MAP6: variants seen among roughly 807,000 people sequenced by gnomAD.
MAP6 encodes microtubule associated protein 6.
A neutral mutation model predicts 42.4 loss-of-function variants in MAP6; 26 were observed. The ratio of observed to expected loss-of-function variants is 0.61; its 90% CI spans 0.45 to 0.85. The LOEUF (loss-of-function observed/expected upper bound fraction) is 0.85, where lower values mean the gene tolerates loss of function less well. MAP6 is among the 40% of genes least tolerant of loss of function. The pLI, the probability that MAP6 is intolerant of heterozygous loss-of-function variation, is 0.00. For synonymous variants in MAP6, 418 were observed against 443.8 expected, an observed-to-expected ratio of 0.94 and a Z score of 0.73; for missense variants, 966 against 1,099.0, an observed-to-expected ratio of 0.88 and a Z score of 1.71.
intron 1 of MAP6, among the ~76,000 whole-genome samples, chr11:75,633,931 T>C (rs1943326372): frequency 6.6e-6 from 1 of 152,208 alleles, no homozygotes. Flanking sequence ...AGACCTGATG[T>C]AGCTCCGAGT....
Position 75,667,330 on chromosome 11 carries a change from G to T in MAP6, c.905+135C>A. 2.6e-6 allele frequency: 2 copies of T among 782,736 alleles called. No individual in the cohort carries two copies. The highest frequency in any genetic ancestry group is 2.3e-5 in the South Asian group (1 of 42,872). 48.5% of individuals were successfully genotyped at this position (782,736 alleles called of 1,614,324 possible). A position where few individuals can be genotyped will look rare whatever the true frequency, so the allele number is the denominator to read the frequency against. The stretch of plus-strand genomic sequence containing the variant: ...TTCGACAGGAGGTGGCCTGGGAGGC[G>T]GCTGGGGAGAGGGTGTGGCCTGGGA... On this transcript the variant is annotated intron_variant, in intron 1 of 3. Transcript: ENST00000304771. This position sits in a 1 kb window ranked among gnomAD's most constrained non-coding sequence, Gnocchi z 5.6.
At chr11:75,592,683 C>A (rs1390389493) in intron 3 of MAP6, among the ~76,000 whole-genome samples, 8 of 152,212 alleles carry the variant, frequency 5.3e-5, no homozygotes, top group Admixed American at 5.2e-4. Context: ...ATTCTTCATA[C>A]AGAAATCAGA....
chr11:75,668,054 G>T lies in MAP6; in HGVS notation c.316C>A (p.Pro106Thr). 2 of 1,228,886 alleles carry T rather than the reference G, an allele frequency of 1.6e-6. No homozygotes were observed. The highest frequency in any genetic ancestry group is 2.0e-6 in the Non-Finnish European group (2 of 988,020). 76.1% of individuals were successfully genotyped at this position (1,228,886 alleles called of 1,614,324 possible). A position where few individuals can be genotyped will look rare whatever the true frequency, so the allele number is the denominator to read the frequency against. The change falls in exon 1 of 4, where the codon CCG becomes ACG. Residue 106 changes from proline (P) to threonine (T), a missense_variant. Coordinates refer to ENST00000304771, the MANE Select transcript of MAP6 (RefSeq NM_033063.2). ...AAGPGRSGPG[P>T]GLGSGSTSGP... ...GAGGTGGAGCCGGAGCCCAGGCCCG[G>T]GCCCGGCCCGCTCCGGCCGGGGCCC...
At chr11:75,646,642 A>G (rs1943558432) in intron 1 of MAP6, among the ~76,000 whole-genome samples, 1 of 152,004 alleles carries the variant, frequency 6.6e-6, no homozygotes, top group Non-Finnish European at 1.5e-5. Flanking sequence ...CTCTACTAAA[A>G]ACACAAAATT....
chr11:75,602,384 C>G (rs1292336506), intron 3 of MAP6, among the ~76,000 whole-genome samples: 1 of 152,132 alleles, frequency 6.6e-6, no homozygotes, highest in Non-Finnish European at 1.5e-5. Flanking sequence ...GGCACACACA[C>G]GACTGTCACC....
At chr11:75,624,964 C>T (rs1176933358) in intron 1 of MAP6, among the ~76,000 whole-genome samples, 1 of 152,154 alleles carries the variant, frequency 6.6e-6, no homozygotes, top group East Asian at 1.9e-4. Context: ...GTGAACTGGC[C>T]TCTAACAATG....
chr11:75,668,082 C>A lies in MAP6; in HGVS notation c.288G>T (p.Ala96=), dbSNP rs1943994968. The A allele has an allele frequency of 5.8e-6, 7 of 1,216,370 alleles. No homozygotes were observed. The South Asian group carries it at 2.0e-4, about 34-fold the overall frequency. The allele number at this position is 1,216,370 out of a possible 1,614,324, so 75.3% of individuals were successfully genotyped here. A position where few individuals can be genotyped will look rare whatever the true frequency, so the allele number is the denominator to read the frequency against. Residue 96 remains alanine (A), a synonymous_variant, in exon 1 of 4, where the codon GCG becomes GCT. Transcript: ENST00000304771. ...CCGGCCCGCTCCGGCCGGGGCCCGC[C>A]GCCGGCTCGCGCTCGCCGGTAGGCC... The part of the protein sequence containing the change: ...APGPTGEREP[A]AGPGRSGPGP...
Position 75,668,278 on chromosome 11 carries a change from G to T in MAP6, c.92C>A (p.Thr31Asn). The T allele has an allele frequency of 6.5e-7, 1 of 1,545,152 alleles. No individual in the cohort carries two copies. The highest frequency in any genetic ancestry group is 1.2e-5 in the South Asian group (1 of 86,340). ...KADIAVPLVF[T>N]KYSEATEHPG... is the part of the protein sequence containing the mutation. ...GTGCTCGGTGGCCTCCGAGTACTTG[G>T]TGAAAACCAGCGGCACAGCGATGTC... Residue 31 changes from threonine to asparagine, a missense_variant, in exon 1 of 4, where the codon ACC becomes AAC. Thr to Asn is a moderately conservative substitution (Grantham distance 65). This residue lies in a region of MAP6 where 23 missense variants were observed against 49.1 expected (regional missense o/e 0.47). Transcript: ENST00000304771.
At chr11:75,597,160 C>G (rs888516580) in intron 3 of MAP6, 20 of 152,208 alleles carry the variant, frequency 1.3e-4, no homozygotes, top group Non-Finnish European at 2.6e-4. Context: ...AAGGTTCATT[C>G]CCTCCCCCTA....
At chr11:75,603,752 G>A in intron 3 of MAP6, 1 of 985,234 alleles carries the variant, frequency 1.0e-6, no homozygotes, top group Non-Finnish European at 1.2e-6. Flanking sequence ...GCCTAGCACA[G>A]TGCCTGGCAC....
chr11:75,652,926 G>A (rs1024147984), intron 1 of MAP6, among the ~76,000 whole-genome samples: 3 of 151,928 alleles, frequency 2.0e-5, no homozygotes, highest in Admixed American at 6.6e-5. Context: ...CATCAGGCTT[G>A]GGGCACAGTT....
At chr11:75,589,822 T>C (rs1942443930) in intron 3 of MAP6, among the ~76,000 whole-genome samples, 1 of 152,272 alleles carries the variant, frequency 6.6e-6, no homozygotes, top group African/African-American at 2.4e-5. Context: ...TTCTGTTTAC[T>C]TAGAAGTAAA....
chr11:75,587,068 G>A lies in MAP6; in HGVS notation c.2433C>T (p.Ser811=). Residue 811 remains serine, a synonymous_variant, in exon 4 of 4, where the codon AGC becomes AGT. Transcript: ENST00000304771. The part of the protein sequence containing the change: ...PTAPHTEYIE[S]SP ...TGTCAAGGGGTGAGTGTCAAGGGGA[G>A]CTCTCAATGTATTCCGTATGGGGGG... 1 of 1,585,174 alleles carries A rather than the reference G, an allele frequency of 6.3e-7. No homozygotes were observed. The highest frequency in any genetic ancestry group is 8.6e-7 in the Non-Finnish European group (1 of 1,163,488).
chr11:75,667,279 G>C lies in MAP6; in HGVS notation c.905+186C>G, dbSNP rs570148199. Among the ~76,000 whole-genome samples the C allele has an allele frequency of 6.0e-4, 91 of 152,320 alleles. No homozygotes were observed. Among genetic ancestry groups the C allele is most frequent in the African/African-American group, 2.0e-3 (83 of 41,580 alleles). ...GAGATGGAATATACTAACAGCTTGC[G>C]CATGGGACAGGGCAGAAGAGAAGGC... On this transcript the variant is annotated intron_variant, in intron 1 of 3. Transcript: ENST00000304771. The surrounding 1 kb of genome is among the most constrained non-coding windows in gnomAD (Gnocchi z 5.6).
intron 3 of MAP6, 102 bp from the exon 4 acceptor site, chr11:75,588,286 C>T (rs758648530): frequency 1.4e-4 from 142 of 992,506 alleles, no homozygotes; most frequent in Non-Finnish European, 1.9e-4. Flanking sequence ...GAGCCTGGGC[C>T]GGGCAGCTCT....
At chr11:75,665,693 G>A (rs978264495) in intron 1 of MAP6, among the ~76,000 whole-genome samples, 3 of 152,174 alleles carry the variant, frequency 2.0e-5, no homozygotes, top group African/African-American at 7.2e-5. Flanking sequence ...TATGTCTCCT[G>A]CTTATTTGTT....
chr11:75,639,701 C>T (rs934162083), intron 1 of MAP6, among the ~76,000 whole-genome samples: 12 of 152,196 alleles, frequency 7.9e-5, no homozygotes, highest in African/African-American at 2.9e-4. Flanking sequence ...TATAGAAAGA[C>T]AGATGACCCA....
rs1206478002 is a variant in MAP6 at position 75,667,381 on chromosome 11, T to G, written c.905+84A>C. 1 of 1,281,986 alleles carries G rather than the reference T, an allele frequency of 7.8e-7. No homozygotes were observed. The highest frequency in any genetic ancestry group is 3.2e-5 in the East Asian group (1 of 31,212). The allele number at this position is 1,281,986 out of a possible 1,614,324, so 79.4% of individuals were successfully genotyped here. ...CTGGAGGGAGGCTGCACGCTAGGCC[T>G]GCGCTGGGGATCCTGGGCCCCGGGC... is the stretch of plus-strand genomic sequence containing the variant. On this transcript the variant is annotated intron_variant, in intron 1 of 3. Coordinates refer to ENST00000304771, the MANE Select transcript of MAP6 (RefSeq NM_033063.2). This position sits in a 1 kb window ranked among gnomAD's most constrained non-coding sequence, Gnocchi z 5.6.
intron 1 of MAP6, among the ~76,000 whole-genome samples, chr11:75,647,301 C>A (rs1590800911): frequency 8.9e-6 from 1 of 112,024 alleles, no homozygotes. Flanking sequence ...CTTTTTAATT[C>A]TTAAATAAAA....
Sources: allele counts gnomAD v4.1 joint callset (sites outside exome capture counted in the v4.1 genomes callset), GRCh38; gene constraint gnomAD v4.1.1; regional missense constraint gnomAD v4.1.1; non-coding constraint Gnocchi (gnomAD v3.1); transcripts MANE v1.5; gene names NCBI Gene and HGNC (gene_info 2026-07-23, HGNC 2026-07-21).